ZMYM2: variants seen among roughly 807,000 people sequenced by gnomAD.
ZMYM2 encodes the protein zinc finger MYM-type containing 2, also known as zinc finger MYM-type protein 2.
In ZMYM2, 56 loss-of-function variants were observed where a neutral mutation model predicts 162.8. The ratio of observed to expected loss-of-function variants is 0.34; its 90% CI spans 0.28 to 0.43. The LOEUF (loss-of-function observed/expected upper bound fraction) is 0.43. Ranked by LOEUF, ZMYM2 falls within the 20% of genes least tolerant of loss-of-function variation. ZMYM2 has a pLI of 1.00. For missense variants in ZMYM2, 1,275 were observed against 1,621.8 expected (o/e 0.79, Z 3.67); for synonymous variants, 510 against 541.6 (o/e 0.94, Z 0.81).
At chr13:20,007,864 C>T (rs1277235340) in intron 6 of ZMYM2, among the ~76,000 whole-genome samples, 1 of 150,758 alleles carries the variant, frequency 6.6e-6, no homozygotes, top group Non-Finnish European at 1.5e-5. Flanking sequence ...CAAGTGGTCT[C>T]CGTGCCTCGG....
At chr13:19,936,160 A>G in the ZMYM2 span, among the ~76,000 whole-genome samples, 1 of 152,208 alleles carries the variant, frequency 6.6e-6, no homozygotes, top group Non-Finnish European at 1.5e-5. Flanking sequence ...AACCTTTTCT[A>G]TAATACTATT....
chr13:20,025,236 G>A (rs1250014525), intron 7 of ZMYM2: 1 of 199,666 alleles, frequency 5.0e-6, no homozygotes, highest in Admixed American at 6.0e-5. Context: ...ATGCTCGTGG[G>A]TATGAAGACG....
intron 18 of ZMYM2, 36 bp from the exon 19 acceptor site, chr13:20,064,414 AT>A (rs1566435659): frequency 4.6e-6 from 7 of 1,533,266 alleles, no homozygotes; most frequent in Non-Finnish European, 5.3e-6. Context: ...ACCCTGTGCT[AT>A]TTCATTTAAA....
rs1400405688 is a variant in ZMYM2 at position 20,088,359 on chromosome 13, C to CT, written c.*2349dup. The CT allele has an allele frequency of 4.9e-6, 1 of 204,982 alleles. No individual in the cohort carries two copies. The highest frequency in any genetic ancestry group is 1.0e-5 in the Non-Finnish European group (1 of 100,002). 12.7% of individuals were successfully genotyped at this position (204,982 alleles called of 1,614,324 possible). A position where few individuals can be genotyped will look rare whatever the true frequency, so the allele number is the denominator to read the frequency against. The stretch of plus-strand genomic sequence containing the variant: ...AGGACAATGAAATGATAGCAATTTC[C>CT]TTTTGCTTCTAGGTGATCTCTGATT... On this transcript the variant is annotated 3_prime_UTR_variant, in exon 25 of 25. Transcript: ENST00000610343.
intron 6 of ZMYM2, among the ~76,000 whole-genome samples, chr13:20,010,616 C>T (rs765746655): frequency 1.3e-5 from 2 of 151,128 alleles, no homozygotes. Context: ...TCTTTTTTCT[C>T]TTTTTGTTTT....
At chr13:19,878,552 G>A in the ZMYM2 span, among the ~76,000 whole-genome samples, 3 of 116,550 alleles carry the variant, frequency 2.6e-5, no homozygotes, top group Non-Finnish European at 3.3e-5. Context: ...ATGGAGTTTC[G>A]CTCTTGTCAC....
the ZMYM2 span, among the ~76,000 whole-genome samples, chr13:19,907,928 A>G: frequency 6.6e-6 from 1 of 151,304 alleles, no homozygotes. Flanking sequence ...TCATGGGTAA[A>G]CTCCCTCTCT....
At chr13:19,962,515 ATTTTTTTT>A (rs1166788980) in intron 2 of ZMYM2, among the ~76,000 whole-genome samples, 2 of 38,928 alleles carry the variant, frequency 5.1e-5, no homozygotes, top group South Asian at 1.2e-3. Context: ...ATATATATAT[ATTTTTTTT>A]TTTTTTTTTT....
chr13:20,036,591 A>G (rs1566361490), intron 11 of ZMYM2, 146 bp from the exon 12 acceptor site: 1 of 511,348 alleles, frequency 2.0e-6, no homozygotes, highest in Non-Finnish European at 3.1e-6. Flanking sequence ...ATTCTGTTCT[A>G]ATTTTTATAG....
At chr13:19,890,231 G>A in the ZMYM2 span, among the ~76,000 whole-genome samples, 7 of 151,854 alleles carry the variant, frequency 4.6e-5, no homozygotes, top group East Asian at 1.4e-3. Flanking sequence ...GCAGTGGTGT[G>A]AGCTCAGCTC....
rs1953134197 is a variant in ZMYM2 at position 20,031,516 on chromosome 13, A to G, written c.1968+81A>G. 7 of 875,716 alleles carry G rather than the reference A, an allele frequency of 8.0e-6. No individual in the cohort carries two copies. The South Asian group carries it at 1.0e-4, about 13-fold the overall frequency. The allele number at this position is 875,716 out of a possible 1,614,324, so 54.2% of individuals were successfully genotyped here. ...ATAAGTGTTGTATTTCCATCTGGAA[A>G]CCTATTTCTTGGTAGATAAAAATAT... is the stretch of plus-strand genomic sequence containing the variant. On this transcript the variant is annotated intron_variant, in intron 10 of 24. Coordinates refer to ENST00000610343, the MANE Select transcript of ZMYM2 (RefSeq NM_197968.4).
intron 21 of ZMYM2, among the ~76,000 whole-genome samples, chr13:20,076,684 A>G (rs1291306058): frequency 1.3e-5 from 2 of 150,404 alleles, no homozygotes; most frequent in African/African-American, 5.0e-5. Context: ...TTTATTTACT[A>G]AATTAAAAAA....
At chr13:19,958,712 C>G (rs563559151), upstream of ZMYM2, 3 of 154,268 alleles carry the variant, frequency 1.9e-5, no homozygotes, top group African/African-American at 7.3e-5. Flanking sequence ...GCCGCGCCGC[C>G]GCCTCCTCCG....
chr13:19,965,757 A>G (rs556937390), intron 2 of ZMYM2, among the ~76,000 whole-genome samples: 1 of 142,822 alleles, frequency 7.0e-6, no homozygotes, highest in East Asian at 2.1e-4. Context: ...TGGCCCTGAT[A>G]TGGTATCTGA....
chr13:20,077,781 C>T (rs1265551201), intron 21 of ZMYM2, among the ~76,000 whole-genome samples: 1 of 151,876 alleles, frequency 6.6e-6, no homozygotes, highest in Non-Finnish European at 1.5e-5. Context: ...GGCCTCTATT[C>T]CTTGATAAAA....
the ZMYM2 span, among the ~76,000 whole-genome samples, chr13:19,888,174 T>C: frequency 6.6e-6 from 1 of 151,208 alleles, no homozygotes; most frequent in African/African-American, 2.4e-5. Flanking sequence ...CCATCGCGCC[T>C]GGCTAAATTA....
chr13:19,890,175 C>T, the ZMYM2 span, among the ~76,000 whole-genome samples: 28 of 151,674 alleles, frequency 1.8e-4, no homozygotes, highest in South Asian at 5.2e-3. Flanking sequence ...TTGTTTTGTT[C>T]GTTTGTTTTT....
At chr13:19,893,402 G>C in the ZMYM2 span, among the ~76,000 whole-genome samples, 1 of 151,372 alleles carries the variant, frequency 6.6e-6, no homozygotes, top group Non-Finnish European at 1.5e-5. Flanking sequence ...TTGTATTACT[G>C]TCATTTGGGT....
chr13:19,923,191 CAA>C, the ZMYM2 span, among the ~76,000 whole-genome samples: 55 of 125,520 alleles, frequency 4.4e-4, 1 homozygote, highest in East Asian at 2.1e-3. Flanking sequence ...ACTAAATATA[CAA>C]AAAAAAAAAA....
Sources: allele counts gnomAD v4.1 joint callset (sites outside exome capture counted in the v4.1 genomes callset), GRCh38; gene constraint gnomAD v4.1.1; transcripts MANE v1.5; gene names NCBI Gene and HGNC (gene_info 2026-07-23, HGNC 2026-07-21).